Variants in ZNF140 observed in about 807,000 individuals in gnomAD.
ZNF140 encodes the protein zinc finger protein 140.
ZNF140 carries 13 observed loss-of-function variants against 12.9 expected under a neutral mutation model. That is an observed-to-expected ratio of 1.01 (90% confidence interval 0.66 to 1.60). The LOEUF (loss-of-function observed/expected upper bound fraction) is 1.60. ZNF140 is among the 40% of genes most tolerant of loss of function. ZNF140 has a pLI of 0.00. For synonymous variants in ZNF140, 214 were observed against 186.7 expected (o/e 1.15, Z -1.19); for missense variants, 531 against 548.8 (o/e 0.97, Z 0.32).
At chr12:133,093,968 C>G (rs1382935081) in intron 4 of ZNF140, among the ~76,000 whole-genome samples, 3 of 151,156 alleles carry the variant, frequency 2.0e-5, no homozygotes, top group Non-Finnish European at 2.9e-5. Flanking sequence ...GTCCTCTCTC[C>G]TTCACACTTA....
chr12:133,091,107 C>T (rs1474863216), intron 4 of ZNF140, among the ~76,000 whole-genome samples: 1 of 149,430 alleles, frequency 6.7e-6, no homozygotes, highest in South Asian at 2.1e-4. Context: ...CAGCACAGAC[C>T]TTTTACAGGT....
upstream of ZNF140, chr12:133,080,658 T>G (rs1954436637): frequency 6.6e-6 from 1 of 152,312 alleles, no homozygotes; most frequent in Non-Finnish European, 1.5e-5. Context: ...ATAGCCCCTA[T>G]GCTCTGGCGC....
chr12:133,102,280 G>A (rs1156963701), intron 4 of ZNF140, among the ~76,000 whole-genome samples: 1 of 152,132 alleles, frequency 6.6e-6, no homozygotes, highest in Non-Finnish European at 1.5e-5. Flanking sequence ...AAGTCTCCCT[G>A]TCATAATTTT....
chr12:133,098,454 G>C (rs1338869839), intron 4 of ZNF140, among the ~76,000 whole-genome samples: 1 of 151,820 alleles, frequency 6.6e-6, no homozygotes, highest in Admixed American at 6.6e-5. Flanking sequence ...TGGCCAGGCT[G>C]GTCTCAAACT....
chr12:133,101,017 G>T, intron 4 of ZNF140: 1 of 454,110 alleles, frequency 2.2e-6, no homozygotes, highest in Admixed American at 2.4e-5. Flanking sequence ...CTACAGAGGA[G>T]AGGACTACTG....
intron 4 of ZNF140, among the ~76,000 whole-genome samples, 196 bp from the exon 5 acceptor site, chr12:133,105,310 CTTTA>C (rs1955551822): frequency 2.0e-5 from 3 of 152,180 alleles, no homozygotes; most frequent in Non-Finnish European, 4.4e-5. Flanking sequence ...TACACTTTCT[CTTTA>C]TTTACCTATA....
chr12:133,095,366 A>G lies in ZNF140; in HGVS notation c.233-10144A>G, dbSNP rs990762099. ...TCCTCCGAGCGCACAAGCTTACCGC[A>G]AGGCTGACTGTGGATGTACTTGGGA... On this transcript the variant is annotated intron_variant, in intron 4 of 4. Coordinates refer to ENST00000355557, the MANE Select transcript of ZNF140 (RefSeq NM_003440.4). Among the ~76,000 whole-genome samples the G allele has an allele frequency of 4.8e-4, 73 of 151,044 alleles. 2 individuals are homozygous for G. The highest frequency in any genetic ancestry group is 1.8e-3 in the African/African-American group (72 of 40,750).
At chr12:133,091,335 A>G (rs1954882338) in intron 4 of ZNF140, among the ~76,000 whole-genome samples, 1 of 151,324 alleles carries the variant, frequency 6.6e-6, no homozygotes, top group East Asian at 1.9e-4. Context: ...CACGTCCTGC[A>G]CAGCCCTAGA....
At position 133,086,826 on chromosome 12, in the gene ZNF140, G is replaced by A. The variant is rs199826447; in HGVS notation, c.232+3265G>A. Among the ~76,000 whole-genome samples the A allele has an allele frequency of 9.3e-3, 1,419 of 152,212 alleles. 18 individuals carry two copies. The highest frequency in any genetic ancestry group is 0.032 in the African/African-American group (1,343 of 41,514). On this transcript the variant is annotated intron_variant, in intron 4 of 4. Coordinates refer to ENST00000355557, the MANE Select transcript of ZNF140 (RefSeq NM_003440.4). ...TCACTTTATTTTGTCATGTGAGTTA[G>A]TAGTCAACTTTGCTATCTTCTGTAT...
At chr12:133,093,445 T>C in intron 4 of ZNF140, 1 of 700,012 alleles carries the variant, frequency 1.4e-6, no homozygotes, top group Non-Finnish European at 2.6e-6. Flanking sequence ...GTCAGCTTCT[T>C]TAGCTGGGCC....
chr12:133,104,562 A>G (rs1955505322), intron 4 of ZNF140, among the ~76,000 whole-genome samples: 1 of 152,084 alleles, frequency 6.6e-6, no homozygotes, highest in Admixed American at 6.5e-5. Context: ...TGTGTTAGCC[A>G]GGCTGGTCTC....
intron 4 of ZNF140, among the ~76,000 whole-genome samples, chr12:133,092,332 A>G (rs2137525380): frequency 6.6e-6 from 1 of 151,218 alleles, no homozygotes; most frequent in East Asian, 1.9e-4. Flanking sequence ...ACAGAATACG[A>G]TGCTGCCAAT....
At chr12:133,089,182 C>T (rs1954774033) in intron 4 of ZNF140, among the ~76,000 whole-genome samples, 1 of 151,490 alleles carries the variant, frequency 6.6e-6, no homozygotes, top group South Asian at 2.1e-4. Context: ...AATCCTGATG[C>T]TTTCATTTTT....
chr12:133,081,744 C>T (rs1954511974), intron 2 of ZNF140: 1 of 342,150 alleles, frequency 2.9e-6, no homozygotes, highest in Non-Finnish European at 5.8e-6. Context: ...TCCTCTTTCC[C>T]ACAGTGTTAG....
In ZNF140 at chr12:133,106,611, A is replaced by C. The variant is rs138788879; in HGVS notation, c.1334A>C (p.Asn445Thr). Residue 445 changes from asparagine to threonine, a missense_variant, in exon 5 of 5, where the codon AAT becomes ACT. Transcript: ENST00000355557. ...HTLDNPYEYE[N>T]SFNYHSFLTE... ...CTTGACAACCCCTATGAATATGAAA[A>C]TTCATTTAATTACCACTCATTCCTT... 1.5e-5 allele frequency: 24 copies of C among 1,604,842 alleles called. No individual in the cohort carries two copies. Among genetic ancestry groups the C allele is most frequent in the Non-Finnish European group, 1.9e-5 (22 of 1,177,314 alleles).
At chr12:133,092,728 C>T (rs1478663483) in intron 4 of ZNF140, among the ~76,000 whole-genome samples, 4 of 151,078 alleles carry the variant, frequency 2.6e-5, no homozygotes, top group Admixed American at 6.6e-5. Flanking sequence ...CATCATAGGC[C>T]GGATTAGTGG....
In ZNF140 at chr12:133,106,185, G is replaced by A. The variant is rs148674170; in HGVS notation, c.908G>A (p.Cys303Tyr). 1 of 1,614,174 alleles carries A rather than the reference G, an allele frequency of 6.2e-7. No individual in the cohort carries two copies. The change falls in exon 5 of 5, where the codon TGC (cysteine) becomes TAC (tyrosine). Residue 303 changes from cysteine (C) to tyrosine (Y), a missense_variant. Coordinates refer to ENST00000355557, the MANE Select transcript of ZNF140 (RefSeq NM_003440.4). Reference protein sequence around the residue: ...ITHTGEKPYECIECGKAFRRF... With the variant: ...ITHTGEKPYEYIECGKAFRRF... ...CATACTGGAGAGAAACCTTATGAATGCATTGAATGTGGGAAGGCATTTCGC... is the reference window on the plus strand; with the variant it reads ...CATACTGGAGAGAAACCTTATGAATACATTGAATGTGGGAAGGCATTTCGC...
At chr12:133,097,819 A>ATGTGTGTGTGTGTGTG (rs71079166) in intron 4 of ZNF140, among the ~76,000 whole-genome samples, 347 of 143,246 alleles carry the variant, frequency 2.4e-3, no homozygotes, top group South Asian at 0.014. Flanking sequence ...ACATCTAACC[A>ATGTGTGTGTGTGTGTG]TGTGTGTGTG....
intron 4 of ZNF140, among the ~76,000 whole-genome samples, chr12:133,089,686 T>G (rs1954791545): frequency 6.6e-6 from 1 of 152,194 alleles, no homozygotes; most frequent in African/African-American, 2.4e-5. Flanking sequence ...CCATGAAATT[T>G]GTACTGAGGC....
Sources: allele counts gnomAD v4.1 joint callset (sites outside exome capture counted in the v4.1 genomes callset), GRCh38; gene constraint gnomAD v4.1.1; transcripts MANE v1.5; gene names NCBI Gene and HGNC (gene_info 2026-07-23, HGNC 2026-07-21).